Variants in TRAF3 observed in about 807,000 individuals in gnomAD.
TRAF3 encodes the protein TNF receptor-associated factor 3.
TRAF3 carries 13 observed loss-of-function variants against 62.3 expected under a neutral mutation model. That is an observed-to-expected ratio of 0.21 (90% CI 0.14 to 0.33). The LOEUF is 0.33. Ranked by LOEUF, TRAF3 falls within the 10% of genes least tolerant of loss-of-function variation. The probability of loss-of-function intolerance (pLI) is 1.00; values close to 1 mark genes in which losing one functional copy is unlikely to be tolerated. For missense variants in TRAF3, 440 were observed against 741.8 expected, an observed-to-expected ratio of 0.59 and a Z score of 4.73; for synonymous variants, 269 against 283.4, an observed-to-expected ratio of 0.95 and a Z score of 0.51.
intron 1 of TRAF3, among the ~76,000 whole-genome samples, chr14:102,814,462 A>G (rs1401840622): frequency 5.3e-5 from 8 of 152,110 alleles, no homozygotes; most frequent in Admixed American, 3.3e-4. Flanking sequence ...TATTTTTTCT[A>G]TTTCTGTGAA....
At chr14:102,784,308 C>A (rs1460058376) in intron 1 of TRAF3, among the ~76,000 whole-genome samples, 1 of 150,870 alleles carries the variant, frequency 6.6e-6, no homozygotes, top group African/African-American at 2.4e-5. Context: ...CTGCAACCTC[C>A]GCCCCCTGGG....
intron 1 of TRAF3, among the ~76,000 whole-genome samples, chr14:102,804,293 G>A (rs1408776979): frequency 6.6e-6 from 1 of 152,076 alleles, no homozygotes; most frequent in Non-Finnish European, 1.5e-5. Context: ...GTTCTCTGGA[G>A]CGTTCTTCAG....
intron 2 of TRAF3, among the ~76,000 whole-genome samples, chr14:102,846,256 C>G (rs1361558041): frequency 6.6e-6 from 1 of 152,044 alleles, no homozygotes; most frequent in Admixed American, 6.6e-5. Flanking sequence ...TTTATATTTG[C>G]TCCAAAGCAG....
At chr14:102,813,506 A>G (rs1899327941) in intron 1 of TRAF3, among the ~76,000 whole-genome samples, 1 of 147,676 alleles carries the variant, frequency 6.8e-6, no homozygotes, top group Non-Finnish European at 1.5e-5. Flanking sequence ...GCTGGAGTGC[A>G]GTGGTGTGAT....
At chr14:102,795,939 G>A (rs998727340) in intron 1 of TRAF3, among the ~76,000 whole-genome samples, 3 of 152,168 alleles carry the variant, frequency 2.0e-5, no homozygotes, top group Non-Finnish European at 4.4e-5. Flanking sequence ...AGGACAGGCC[G>A]GGCATGGTTG....
At chr14:102,867,008 A>C (rs911214170) in intron 2 of TRAF3, among the ~76,000 whole-genome samples, 2 of 152,244 alleles carry the variant, frequency 1.3e-5, no homozygotes, top group African/African-American at 4.8e-5. Flanking sequence ...TAAAGACCAT[A>C]GTCCTTGGTT....
chr14:102,887,786 G>A (rs1032529590), intron 7 of TRAF3, among the ~76,000 whole-genome samples: 20 of 151,942 alleles, frequency 1.3e-4, no homozygotes, highest in Non-Finnish European at 2.5e-4. Context: ...TAGTAGAGAC[G>A]GGGTTTCACC....
At chr14:102,820,087 C>T (rs1336039407) in intron 1 of TRAF3, among the ~76,000 whole-genome samples, 9 of 152,120 alleles carry the variant, frequency 5.9e-5, no homozygotes, top group Admixed American at 1.3e-4. Context: ...GAGGGCACTC[C>T]CGGCAGGTCC....
chr14:102,838,800 AG>A (rs1886186481), intron 2 of TRAF3, among the ~76,000 whole-genome samples: 1 of 152,128 alleles, frequency 6.6e-6, no homozygotes, highest in African/African-American at 2.4e-5. Context: ...TGTGTATTGG[AG>A]GGGGTATGTT....
At chr14:102,836,427 A>G (rs571913660) in intron 2 of TRAF3, among the ~76,000 whole-genome samples, 2 of 152,388 alleles carry the variant, frequency 1.3e-5, no homozygotes, top group Admixed American at 1.3e-4. Context: ...AAACTAAGAA[A>G]TTTGATGTTG....
intron 6 of TRAF3, among the ~76,000 whole-genome samples, chr14:102,876,896 C>G (rs1343259278): frequency 6.6e-6 from 1 of 151,404 alleles, no homozygotes. Flanking sequence ...CGTAGATAAT[C>G]CGTTCCACAG....
At chr14:102,811,757 G>GTGTGTGTT (rs1555367668) in intron 1 of TRAF3, among the ~76,000 whole-genome samples, 31 of 144,366 alleles carry the variant, frequency 2.1e-4, no homozygotes, top group African/African-American at 7.0e-4. Flanking sequence ...GTGTGTGTGT[G>GTGTGTGTT]TGTGTTTGTA....
intron 2 of TRAF3, among the ~76,000 whole-genome samples, chr14:102,844,892 T>A (rs1001262450): frequency 4.0e-4 from 59 of 147,682 alleles, no homozygotes; most frequent in Non-Finnish European, 7.5e-4. Context: ...AAAAAAAAAA[T>A]GTTGTTTTTG....
intron 2 of TRAF3, among the ~76,000 whole-genome samples, chr14:102,844,629 A>T (rs964503861): frequency 1.2e-4 from 18 of 152,244 alleles, no homozygotes; most frequent in African/African-American, 3.9e-4. Context: ...AGGGTGCAGG[A>T]ACCATGGGGA....
At chr14:102,868,820 A>C (rs1273806463) in intron 2 of TRAF3, among the ~76,000 whole-genome samples, 1 of 152,020 alleles carries the variant, frequency 6.6e-6, no homozygotes, top group African/African-American at 2.4e-5. Flanking sequence ...ACTCGATTCA[A>C]CTCCTTTACA....
At chr14:102,857,769 C>T (rs1026726193) in intron 2 of TRAF3, among the ~76,000 whole-genome samples, 1 of 152,238 alleles carries the variant, frequency 6.6e-6, no homozygotes, top group Non-Finnish European at 1.5e-5. Context: ...CCATTCCCAT[C>T]AAAGTCCTGG....
At chr14:102,886,624 C>T (rs1355907964) in intron 7 of TRAF3, among the ~76,000 whole-genome samples, 7 of 151,966 alleles carry the variant, frequency 4.6e-5, no homozygotes, top group Non-Finnish European at 5.9e-5. Context: ...GGTGTGGTGG[C>T]GCGCACCTGT....
chr14:102,882,961 A>C (rs1889154050), intron 6 of TRAF3, among the ~76,000 whole-genome samples: 1 of 152,208 alleles, frequency 6.6e-6, no homozygotes, highest in African/African-American at 2.4e-5. Flanking sequence ...TTAACTTGTG[A>C]AGGTCAGGAT....
At chr14:102,855,953 A>G (rs1364138864) in intron 2 of TRAF3, among the ~76,000 whole-genome samples, 2 of 151,854 alleles carry the variant, frequency 1.3e-5, no homozygotes, top group Non-Finnish European at 2.9e-5. Context: ...CTAGCTGGGC[A>G]TGGTTGTGTA....
Sources: allele counts gnomAD v4.1 joint callset (sites outside exome capture counted in the v4.1 genomes callset), GRCh38; gene constraint gnomAD v4.1.1; transcripts MANE v1.5; gene names NCBI Gene and HGNC (gene_info 2026-07-23, HGNC 2026-07-21).